Variants in EYS observed in about 807,000 individuals in gnomAD.
EYS encodes the protein EGF-like photoreceptor maintenance factor.
EYS carries 250 observed loss-of-function variants against 282.1 expected under a neutral mutation model. That is an observed-to-expected ratio of 0.89 (90% CI 0.80 to 0.98). The LOEUF is 0.98. Ranked by LOEUF, EYS falls within the 50% of genes least tolerant of loss-of-function variation. The pLI is 0.00. For missense variants in EYS, 4,016 were observed against 3,709.0 expected, an observed-to-expected ratio of 1.08 and a Z score of -2.15; for synonymous variants, 1,355 against 1,282.9, an observed-to-expected ratio of 1.06 and a Z score of -1.20.
chr6:65,497,518 C>G (rs913074292), intron 2 of EYS, among the ~76,000 whole-genome samples: 6 of 151,702 alleles, frequency 4.0e-5, no homozygotes, highest in Admixed American at 6.6e-5. Context: ...GCTTTCTCAT[C>G]AAAGAGGGAA....
chr6:65,479,893 C>A (rs1765545409), intron 5 of EYS, among the ~76,000 whole-genome samples: 1 of 151,780 alleles, frequency 6.6e-6, no homozygotes, highest in Non-Finnish European at 1.5e-5. Flanking sequence ...TGGTGGCTCA[C>A]ACCTGTAATC....
intron 19 of EYS, among the ~76,000 whole-genome samples, chr6:64,868,690 T>C (rs1562234318): frequency 6.6e-6 from 1 of 151,498 alleles, no homozygotes; most frequent in East Asian, 1.9e-4. Context: ...TTCAGAAAAG[T>C]TCAAAGATGG....
intron 26 of EYS, among the ~76,000 whole-genome samples, chr6:64,481,780 A>G (rs1430421109): frequency 6.6e-6 from 1 of 151,650 alleles, no homozygotes; most frequent in Non-Finnish European, 1.5e-5. Context: ...ATTCCAGTGT[A>G]TCTTCAGTGT....
intron 2 of EYS, among the ~76,000 whole-genome samples, chr6:65,605,300 A>C (rs1247100841): frequency 1.3e-5 from 2 of 150,256 alleles, no homozygotes; most frequent in Admixed American, 1.3e-4. Flanking sequence ...AGTGAAAAAA[A>C]TGAAAATAAT....
At chr6:64,123,909 T>C (rs1026036049) in intron 31 of EYS, among the ~76,000 whole-genome samples, 1 of 152,208 alleles carries the variant, frequency 6.6e-6, no homozygotes, top group African/African-American at 2.4e-5. Flanking sequence ...GAAAATTCTT[T>C]CCTTGGGCTC....
chr6:65,643,267 C>T (rs1256104488), intron 1 of EYS, among the ~76,000 whole-genome samples: 1 of 152,076 alleles, frequency 6.6e-6, no homozygotes, highest in Non-Finnish European at 1.5e-5. Flanking sequence ...GCTGACTTTC[C>T]CCCACTTCTT....
Position 64,802,020 on chromosome 6 carries a change from T to TTTGTTTTTTTG in EYS, c.3443+11357_3443+11358insCAAAAAAACAA, listed in dbSNP as rs1764249106. Among the ~76,000 whole-genome samples the TTTGTTTTTTTG allele has an allele frequency of 1.5e-5, 2 of 133,480 alleles. 1 individual carries two copies. The highest frequency in any genetic ancestry group is 6.2e-5 in the African/African-American group (2 of 32,170). The allele number at this position is 133,480 out of a possible 152,430, so 87.6% of individuals were successfully genotyped here. A position where few individuals can be genotyped will look rare whatever the true frequency, so the allele number is the denominator to read the frequency against. On this transcript the variant is annotated intron_variant, in intron 22 of 42. Coordinates refer to ENST00000503581, the MANE Select transcript of EYS (RefSeq NM_001142800.2). Reference sequence around the variant, plus strand: ...ATAAGAGAGTTATAACAAATTTCTTTTTCTTTTTTTTTCTTTTTTTTTTTT... The same window carrying TTTGTTTTTTTG: ...ATAAGAGAGTTATAACAAATTTCTTTTTGTTTTTTTGTTCTTTTTTTTTCTTTTTTTTTTTT...
chr6:64,084,680 T>G (rs920182275), intron 31 of EYS, among the ~76,000 whole-genome samples: 1 of 152,184 alleles, frequency 6.6e-6, no homozygotes, highest in African/African-American at 2.4e-5. Flanking sequence ...GAAAGATTCC[T>G]GGCTGGTAAA....
intron 22 of EYS, among the ~76,000 whole-genome samples, chr6:64,646,691 G>C (rs1768364409): frequency 6.6e-6 from 1 of 151,908 alleles, no homozygotes; most frequent in Non-Finnish European, 1.5e-5. Context: ...CTGAGTCCCA[G>C]CTACTCAGGA....
intron 26 of EYS, among the ~76,000 whole-genome samples, chr6:64,552,543 C>A (rs900181773): frequency 4.6e-5 from 7 of 152,156 alleles, no homozygotes; most frequent in Non-Finnish European, 7.3e-5. Flanking sequence ...TCTAAAACCC[C>A]TGATCTTAAC....
At chr6:65,347,976 T>G in intron 9 of EYS, among the ~76,000 whole-genome samples, 1 of 151,670 alleles carries the variant, frequency 6.6e-6, no homozygotes, top group East Asian at 1.9e-4. Context: ...TGAGAACATG[T>G]GAATTTGTCT....
At chr6:63,817,154 T>A (rs969694617) in intron 36 of EYS, among the ~76,000 whole-genome samples, 1 of 152,226 alleles carries the variant, frequency 6.6e-6, no homozygotes, top group Non-Finnish European at 1.5e-5. Flanking sequence ...TGATTTTTCC[T>A]GGTGACAGAA....
chr6:64,612,498 C>CATTTGAATTT (rs1183561728), intron 24 of EYS, among the ~76,000 whole-genome samples: 1 of 152,016 alleles, frequency 6.6e-6, no homozygotes, highest in African/African-American at 2.4e-5. Flanking sequence ...TTTTACAGAA[C>CATTTGAATTT]ATTTGAATTT....
At chr6:64,733,676 G>C (rs1190071600) in intron 22 of EYS, 1 of 156,966 alleles carries the variant, frequency 6.4e-6, no homozygotes, top group Non-Finnish European at 1.4e-5. Context: ...GCTCAGATTG[G>C]GTCTCCATGG....
At chr6:65,422,608 T>C (rs1474894699) in intron 5 of EYS, among the ~76,000 whole-genome samples, 1 of 151,848 alleles carries the variant, frequency 6.6e-6, no homozygotes, top group Non-Finnish European at 1.5e-5. Flanking sequence ...AAAAAACTGC[T>C]GCTACCTAAT....
intron 2 of EYS, among the ~76,000 whole-genome samples, chr6:65,566,719 T>G (rs977698234): frequency 6.6e-6 from 1 of 152,140 alleles, no homozygotes; most frequent in African/African-American, 2.4e-5. Flanking sequence ...ACTTAACATG[T>G]TAGAGCCTAA....
At chr6:65,505,757 T>A (rs1766631367) in intron 2 of EYS, among the ~76,000 whole-genome samples, 1 of 152,158 alleles carries the variant, frequency 6.6e-6, no homozygotes, top group Non-Finnish European at 1.5e-5. Context: ...TGGGGATATA[T>A]GTTTTATGAT....
intron 12 of EYS, among the ~76,000 whole-genome samples, chr6:65,197,993 T>C (rs1407582949): frequency 6.6e-6 from 1 of 152,150 alleles, no homozygotes; most frequent in Admixed American, 6.6e-5. Flanking sequence ...CTTTTATATA[T>C]GTTTTACAAT....
chr6:65,647,029 G>A (rs2149816222), intron 1 of EYS, among the ~76,000 whole-genome samples: 1 of 152,138 alleles, frequency 6.6e-6, no homozygotes, highest in East Asian at 1.9e-4. Context: ...CAAACAAATG[G>A]AAACACATTC....
Sources: allele counts gnomAD v4.1 joint callset (sites outside exome capture counted in the v4.1 genomes callset), GRCh38; gene constraint gnomAD v4.1.1; transcripts MANE v1.5; gene names NCBI Gene and HGNC (gene_info 2026-07-23, HGNC 2026-07-21).